COCH: variants seen among roughly 807,000 people sequenced by gnomAD.
COCH encodes the protein coagulation factor C homolog, cochlin (Limulus polyphemus).
Under a neutral mutation model 54.8 loss-of-function variants are expected in COCH, and 40 were observed. That is an observed-to-expected ratio of 0.73 (90% confidence interval 0.57 to 0.95). The LOEUF is 0.95. COCH is among the 40% of genes least tolerant of loss of function. COCH has a pLI of 0.00. For synonymous variants in COCH, 256 were observed against 237.9 expected (o/e 1.08, Z -0.70); for missense variants, 605 against 675.0 (o/e 0.90, Z 1.15).
At chr14:30,884,484 A>T in intron 8 of COCH, 69 bp from the exon 9 acceptor site, 1 of 1,051,508 alleles carries the variant, frequency 9.5e-7, no homozygotes, top group Non-Finnish European at 1.5e-6. Context: ...ACTGTTTTTT[A>T]AGGCATGTAA....
rs373995611 is a variant in COCH, at chr14:30,877,744, C to T, written c.239+16C>T. ...CTGTCCACAGGTAAGCCCAAACACA[C>T]CAGGGTGGGAGAGAAATGCAGACGT... On this transcript the variant is annotated intron_variant, in intron 4 of 11. Coordinates refer to ENST00000396618, the MANE Select transcript of COCH (RefSeq NM_004086.3). This position sits in a 1 kb window ranked among gnomAD's most constrained non-coding sequence, Gnocchi z 8.6. 3.1e-6 allele frequency: 5 copies of T among 1,613,974 alleles called. No homozygotes were observed. The highest frequency in any genetic ancestry group is 4.2e-6 in the Non-Finnish European group (5 of 1,180,048).
downstream of COCH, among the ~76,000 whole-genome samples, chr14:30,891,171 T>C (rs1895972615): frequency 6.6e-6 from 1 of 152,222 alleles, no homozygotes; most frequent in Non-Finnish European, 1.5e-5. Flanking sequence ...TGTTTTGTAA[T>C]TGACATCATT....
downstream of COCH, chr14:30,895,455 T>C (rs1481507636): frequency 3.1e-6 from 5 of 1,613,920 alleles, no homozygotes; most frequent in South Asian, 2.2e-5. Flanking sequence ...GCACTAGCTA[T>C]ATATGCTTTT....
intron 9 of COCH, 125 bp downstream of exon 9, chr14:30,884,781 TAG>T: frequency 2.3e-6 from 3 of 1,283,726 alleles, no homozygotes; most frequent in Non-Finnish European, 3.3e-6. Context: ...AAATCTTGGC[TAG>T]GTCTGCATTT....
chr14:30,883,934 A>T (rs1267165677), intron 8 of COCH, among the ~76,000 whole-genome samples: 1 of 152,214 alleles, frequency 6.6e-6, no homozygotes, highest in African/African-American at 2.4e-5. Flanking sequence ...CCTTTAAAAA[A>T]ATGTTGACGG....
At chr14:30,895,573 G>C, downstream of COCH, 1 of 1,611,744 alleles carries the variant, frequency 6.2e-7, no homozygotes, top group Non-Finnish European at 8.5e-7. Flanking sequence ...TGATGGAACA[G>C]TCATGGCCTG....
chr14:30,883,415 T>C (rs1387168141), intron 8 of COCH, among the ~76,000 whole-genome samples: 3 of 152,214 alleles, frequency 2.0e-5, no homozygotes, highest in Admixed American at 1.3e-4. Context: ...ACCATTAGAA[T>C]AGGTAAACCA....
chr14:30,880,417 C>G, intron 6 of COCH, 35 bp from the exon 7 acceptor site: 1 of 1,611,828 alleles, frequency 6.2e-7, no homozygotes, highest in Non-Finnish European at 8.5e-7. Flanking sequence ...TAACTGTCTT[C>G]CTTTTGTTAA....
rs1378989696 is a variant in COCH, at chr14:30,889,616, G to C, written c.1478G>C (p.Gly493Ala). The C allele has an allele frequency of 1.9e-6, 3 of 1,613,372 alleles. No individual in the cohort carries two copies. The highest frequency in any genetic ancestry group is 8.5e-7 in the Non-Finnish European group (1 of 1,179,500). Residue 493 changes from glycine to alanine, a missense_variant and splice_region_variant, in exon 12 of 12, where the codon GGA becomes GCA. By Grantham distance (60) the Gly-to-Ala change is moderately conservative (BLOSUM62 0). Coordinates refer to ENST00000396618, the MANE Select transcript of COCH (RefSeq NM_004086.3). Reference sequence around the variant, plus strand: ...TCACTTTAAAATGTTTTCATTGTAGGAATCACTATCTTCTCTGTTGGTGTG... The same window carrying C: ...TCACTTTAAAATGTTTTCATTGTAGCAATCACTATCTTCTCTGTTGGTGTG... ...QGPAAAAHDA[G>A]ITIFSVGVAW... is the part of the protein sequence containing the mutation.
At chr14:30,883,262 A>G (rs1345225428) in intron 8 of COCH, among the ~76,000 whole-genome samples, 1 of 152,160 alleles carries the variant, frequency 6.6e-6, no homozygotes, top group East Asian at 1.9e-4. Context: ...TGCACATTTT[A>G]ACATCCCATG....
intron 11 of COCH, 72 bp downstream of exon 11, chr14:30,886,384 T>C: frequency 6.6e-7 from 1 of 1,516,298 alleles, no homozygotes; most frequent in Middle Eastern, 1.7e-4. Context: ...TAAATAAAAA[T>C]TTAAGCATTT....
At position 30,885,592 on chromosome 14, in the gene COCH, T is replaced by A. The variant is rs1295975725; in HGVS notation, c.932T>A (p.Met311Lys). 6.2e-7 allele frequency: 1 copy of A among 1,605,230 alleles called. No individual in the cohort carries two copies. The highest frequency in any genetic ancestry group is 1.3e-5 in the African/African-American group (1 of 74,742). Residue 311 changes from methionine to lysine, a missense_variant, in exon 10 of 12, where the codon ATG (methionine) becomes AAG (lysine). Physicochemically the swap from Met to Lys is moderately conservative, Grantham distance 95. Transcript: ENST00000396618. Reference sequence around the variant, plus strand: ...AAGCCTATCCCTGAAGAACTGGGGATGGTTCAGGATGTCACATTTGTTGAC... The same window carrying A: ...AAGCCTATCCCTGAAGAACTGGGGAAGGTTCAGGATGTCACATTTGTTGAC... The part of the protein sequence containing the change: ...VAKPIPEELG[M>K]VQDVTFVDKA...
At chr14:30,876,834 T>C (rs956690995) in intron 3 of COCH, among the ~76,000 whole-genome samples, 1 of 152,194 alleles carries the variant, frequency 6.6e-6, no homozygotes, top group Non-Finnish European at 1.5e-5. Context: ...GATCTTATTC[T>C]GTAACCCAGG....
chr14:30,885,249 C>A, intron 9 of COCH, 145 bp from the exon 10 acceptor site: 2 of 937,792 alleles, frequency 2.1e-6, no homozygotes, highest in Non-Finnish European at 3.3e-6. Flanking sequence ...GAACTGGGTT[C>A]TATATAATTC....
chr14:30,876,631 T>G (rs1895364737), intron 3 of COCH: 1 of 152,196 alleles, frequency 6.6e-6, no homozygotes, highest in Non-Finnish European at 1.5e-5. Flanking sequence ...TGTGTGAGTT[T>G]AAGGATCTGC....
chr14:30,885,885 G>C lies in COCH; in HGVS notation c.1050G>C (p.Leu350=). 1 of 1,614,092 alleles carries C rather than the reference G, an allele frequency of 6.2e-7. No individual in the cohort carries two copies. Among genetic ancestry groups the C allele is most frequent in the Non-Finnish European group, 8.5e-7 (1 of 1,179,922 alleles). Reference sequence around the variant, plus strand: ...ACGTAAAGCCTCTGGTACAGAAGCTGTGCACTCATGAACAAATGATGTGCA... The same window carrying C: ...ACGTAAAGCCTCTGGTACAGAAGCTCTGCACTCATGAACAAATGATGTGCA... ...TKYVKPLVQK[L]CTHEQMMCSK... is the part of the protein sequence containing the mutation. The change falls in exon 11 of 12, where the codon CTG becomes CTC. Residue 350 remains leucine (L), a synonymous_variant. Coordinates refer to ENST00000396618, the MANE Select transcript of COCH (RefSeq NM_004086.3).
downstream of COCH, chr14:30,894,781 T>G (rs992481695): frequency 5.4e-5 from 13 of 242,746 alleles, no homozygotes; most frequent in Non-Finnish European, 1.5e-5. Flanking sequence ...CAATACAATC[T>G]TGAGCACTGT....
chr14:30,878,989 C>A (rs769110052), intron 5 of COCH, 45 bp downstream of exon 5: 216 of 1,610,560 alleles, frequency 1.3e-4, no homozygotes, highest in South Asian at 2.0e-4. Context: ...CTCCCACCCC[C>A]CAAACGTTTT....
At chr14:30,895,078 A>G (rs1896101729), downstream of COCH, 1 of 184,894 alleles carries the variant, frequency 5.4e-6, no homozygotes, top group Non-Finnish European at 9.3e-6. Flanking sequence ...AAAAAAAAAA[A>G]AGAAGAAGAA....
Sources: gnomAD v4.1 joint callset for allele counts (sites outside exome capture counted in the v4.1 genomes callset) on GRCh38, gnomAD v4.1.1 for gene constraint, Gnocchi (gnomAD v3.1) non-coding constraint, MANE v1.5 for transcripts, NCBI Gene and HGNC (gene_info 2026-07-23, HGNC 2026-07-21) for gene names.